The following MEGF10 variants were observed in gnomAD, a reference collection of about 807,000 sequenced individuals.
MEGF10 encodes the protein multiple EGF like domains 10, also known as multiple epidermal growth factor-like domains protein 10.
Under a neutral mutation model 147.5 loss-of-function variants are expected in MEGF10, and 86 were observed. That is an observed-to-expected ratio of 0.58 (90% CI 0.49 to 0.70). The LOEUF (loss-of-function observed/expected upper bound fraction) is 0.70, where lower values mean the gene tolerates loss of function less well. MEGF10 is among the 30% of genes least tolerant of loss of function. The probability of loss-of-function intolerance (pLI) is 0.00; values close to 1 mark genes in which losing one functional copy is unlikely to be tolerated. For missense variants in MEGF10, 1,329 were observed against 1,487.3 expected (o/e 0.89, Z 1.75); for synonymous variants, 478 against 525.5 (o/e 0.91, Z 1.24).
the MEGF10 span, among the ~76,000 whole-genome samples, chr5:127,234,181 G>A: frequency 6.6e-6 from 1 of 152,134 alleles, no homozygotes; most frequent in Non-Finnish European, 1.5e-5. Flanking sequence ...CAATACTGTG[G>A]CTCCACCTCC....
intron 5 of MEGF10, among the ~76,000 whole-genome samples, chr5:127,392,321 C>A (rs553684096): frequency 1.3e-5 from 2 of 152,310 alleles, no homozygotes; most frequent in South Asian, 4.2e-4. Flanking sequence ...GCAGCCCCTG[C>A]ACCCCTCACA....
At chr5:127,292,456 C>G (rs918080847) in intron 1 of MEGF10, among the ~76,000 whole-genome samples, 2 of 152,162 alleles carry the variant, frequency 1.3e-5, no homozygotes, top group African/African-American at 2.4e-5. Context: ...TGTTGTATCC[C>G]TCTAGTATAG....
chr5:127,350,764 A>G (rs918585268), intron 4 of MEGF10, among the ~76,000 whole-genome samples: 11 of 151,970 alleles, frequency 7.2e-5, no homozygotes, highest in African/African-American at 9.7e-5. Context: ...TTGTATATAT[A>G]TTTTTTTCAT....
At chr5:127,438,925 C>A (rs1220290480) in intron 17 of MEGF10, among the ~76,000 whole-genome samples, 1 of 152,172 alleles carries the variant, frequency 6.6e-6, no homozygotes, top group East Asian at 1.9e-4. Flanking sequence ...AGACAACAAG[C>A]CTCACTGCCT....
the MEGF10 span, among the ~76,000 whole-genome samples, chr5:127,276,759 G>C: frequency 2.0e-5 from 3 of 152,126 alleles, no homozygotes; most frequent in African/African-American, 7.2e-5. Context: ...TTTAGTGGGA[G>C]AAAGACATAG....
chr5:127,460,167 C>T lies in MEGF10; in HGVS notation c.*2849C>T, dbSNP rs1766511526. 1 of 152,116 alleles carries T rather than the reference C, an allele frequency of 6.6e-6. No individual in the cohort carries two copies. Among genetic ancestry groups the T allele is most frequent in the Non-Finnish European group, 1.5e-5 (1 of 68,018 alleles). The allele number at this position is 152,116 out of a possible 1,614,324, so 9.4% of individuals were successfully genotyped here. A position where few individuals can be genotyped will look rare whatever the true frequency, so the allele number is the denominator to read the frequency against. ...GAGTTTAGAGATACTTAGCAAATGC[C>T]ATTCATATAGTATTGTTAGCCAAAC... On this transcript the variant is annotated 3_prime_UTR_variant, in exon 25 of 25. Transcript: ENST00000503335.
chr5:127,340,493 T>C (rs749808260), intron 3 of MEGF10, 37 bp from the exon 4 acceptor site: 1 of 1,557,430 alleles, frequency 6.4e-7, no homozygotes. Flanking sequence ...TTTCAGACTT[T>C]TATTATGTTT....
At chr5:127,324,696 A>C (rs1760933956) in intron 1 of MEGF10, among the ~76,000 whole-genome samples, 2 of 152,170 alleles carry the variant, frequency 1.3e-5, no homozygotes, top group Admixed American at 6.5e-5. Flanking sequence ...CTTTCATCAA[A>C]TAATGCCCTT....
Position 127,339,240 on chromosome 5 carries a change from T to A in MEGF10, c.218+19T>A. 1 of 1,557,954 alleles carries A rather than the reference T, an allele frequency of 6.4e-7. No individual in the cohort carries two copies. ...GGCACAGGTAATAGAAGCTCAGGCA[T>A]GTTTGTGAGTTTGGCTAACTGGGAA... On this transcript the variant is annotated intron_variant, in intron 3 of 24. Coordinates refer to ENST00000503335, the MANE Select transcript of MEGF10 (RefSeq NM_001256545.2).
chr5:127,388,104 A>G lies in MEGF10; in HGVS notation c.413-8428A>G, dbSNP rs114100874. 3.1e-3 allele frequency among the ~76,000 whole-genome samples: 469 copies of G among 152,262 alleles called. 4 individuals are homozygous for G. The highest frequency in any genetic ancestry group is 0.011 in the African/African-American group (447 of 41,546). ...TACTCTTAAAGCTAATGACATTGAT[A>G]CTATGTTCATAGCAAGCTTTCTAGC... On this transcript the variant is annotated intron_variant, in intron 5 of 24. Coordinates refer to ENST00000503335, the MANE Select transcript of MEGF10 (RefSeq NM_001256545.2).
Position 127,352,634 on chromosome 5 carries a change from T to G in MEGF10, c.319+12004T>G, listed in dbSNP as rs1416955589. Among the ~76,000 whole-genome samples, 4 of 152,092 alleles carry G rather than the reference T, an allele frequency of 2.6e-5. No homozygotes were observed. The East Asian group carries it at 7.7e-4, about 29-fold the overall frequency. On this transcript the variant is annotated intron_variant, in intron 4 of 24. Coordinates refer to ENST00000503335, the MANE Select transcript of MEGF10 (RefSeq NM_001256545.2). ...CGGAGCCGAGATGGCGACATTGCAC[T>G]TCAGCCTGGGCGACAGAGTGAGACT...
At chr5:127,270,835 C>T in the MEGF10 span, among the ~76,000 whole-genome samples, 3 of 152,126 alleles carry the variant, frequency 2.0e-5, no homozygotes, top group Non-Finnish European at 4.4e-5. Flanking sequence ...GTTATATTTT[C>T]CTGCATTAGT....
intron 13 of MEGF10, among the ~76,000 whole-genome samples, chr5:127,427,747 A>G (rs1319506292): frequency 1.3e-5 from 2 of 152,180 alleles, no homozygotes; most frequent in Non-Finnish European, 2.9e-5. Context: ...GGATGCCTGA[A>G]CTGTTAAAAT....
At chr5:127,334,770 A>G (rs908206761) in intron 2 of MEGF10, among the ~76,000 whole-genome samples, 1 of 152,152 alleles carries the variant, frequency 6.6e-6, no homozygotes, top group African/African-American at 2.4e-5. Context: ...GCACAAGTGA[A>G]GAGAAACCAC....
At chr5:127,413,145 C>A (rs1764634726) in intron 9 of MEGF10, among the ~76,000 whole-genome samples, 1 of 152,124 alleles carries the variant, frequency 6.6e-6, no homozygotes, top group African/African-American at 2.4e-5. Flanking sequence ...TGCAATCTAT[C>A]ATGGAGCTGA....
chr5:127,303,619 C>G (rs1449780991), intron 1 of MEGF10, among the ~76,000 whole-genome samples: 1 of 152,156 alleles, frequency 6.6e-6, no homozygotes, highest in Non-Finnish European at 1.5e-5. Context: ...AGGGACAGGG[C>G]AATATCTAAG....
At position 127,335,462 on chromosome 5, in the gene MEGF10, G is replaced by A. The variant is rs149386755; in HGVS notation, c.117-3658G>A. On this transcript the variant is annotated intron_variant, in intron 2 of 24. Coordinates refer to ENST00000503335, the MANE Select transcript of MEGF10 (RefSeq NM_001256545.2). ...AGCCTAAGCACTGGCCATAGTGGCC[G>A]TGATAAAGACCAGAGGAGGCAGGCC... is the stretch of plus-strand genomic sequence containing the variant. Among the ~76,000 whole-genome samples, 225 of 152,300 alleles carry A rather than the reference G, an allele frequency of 1.5e-3. 1 individual carries two copies. Among genetic ancestry groups the A allele is most frequent in the Admixed American group, 4.1e-3 (62 of 15,288 alleles).
At chr5:127,241,323 T>G in the MEGF10 span, among the ~76,000 whole-genome samples, 3 of 152,192 alleles carry the variant, frequency 2.0e-5, no homozygotes, top group Non-Finnish European at 2.9e-5. Flanking sequence ...GGGTGTCTCT[T>G]CATCTCCTGG....
chr5:127,240,422 A>G, the MEGF10 span, among the ~76,000 whole-genome samples: 2 of 152,194 alleles, frequency 1.3e-5, no homozygotes, highest in Non-Finnish European at 2.9e-5. Flanking sequence ...CATTGTATCC[A>G]TAGAAGGTGC....
Sources: gnomAD v4.1 joint callset for allele counts (sites outside exome capture counted in the v4.1 genomes callset) on GRCh38, gnomAD v4.1.1 for gene constraint, MANE v1.5 for transcripts, NCBI Gene and HGNC (gene_info 2026-07-23, HGNC 2026-07-21) for gene names.